Variants in KLRG1 observed in about 807,000 individuals in gnomAD.
KLRG1 encodes the protein killer cell lectin like receptor G1, also known as killer cell lectin-like receptor subfamily G member 1.
KLRG1 carries 16 observed loss-of-function variants against 21.8 expected under a neutral mutation model. That is an observed-to-expected ratio of 0.73 (90% CI 0.50 to 1.11). The LOEUF is 1.11. Among genes scored for constraint, KLRG1 ranks in the 50% most tolerant of loss-of-function variants. The pLI is 0.00. For missense variants in KLRG1, 173 were observed against 218.3 expected, an observed-to-expected ratio of 0.79 and a Z score of 1.31; for synonymous variants, 69 against 75.9, an observed-to-expected ratio of 0.91 and a Z score of 0.47.
the KLRG1 span, chr12:9,027,683 C>T: frequency 9.5e-7 from 1 of 1,047,962 alleles, no homozygotes. Flanking sequence ...AATTTGAAAA[C>T]TGATTGTTGT....
intron 1 of KLRG1, chr12:8,991,953 T>C: frequency 3.0e-6 from 1 of 327,870 alleles, no homozygotes; most frequent in Non-Finnish European, 5.6e-6. Context: ...TATGAGACAG[T>C]GTAAGTCACA....
the KLRG1 span, among the ~76,000 whole-genome samples, chr12:9,054,638 A>G: frequency 6.6e-6 from 1 of 152,172 alleles, no homozygotes; most frequent in Non-Finnish European, 1.5e-5. Context: ...TGTTTACTAT[A>G]GTTGCTCTAT....
chr12:8,994,398 A>G (rs904737616), intron 2 of KLRG1, among the ~76,000 whole-genome samples: 1 of 152,222 alleles, frequency 6.6e-6, no homozygotes, highest in African/African-American at 2.4e-5. Context: ...ACTATGAACC[A>G]ACCATTTTAA....
At position 9,009,472 on chromosome 12, in the gene KLRG1, A is replaced by C; in HGVS notation, c.505A>C (p.Asn169His). ...FVQTCGAINK[N>H]GLQASSCEVP... The stretch of plus-strand genomic sequence containing the variant: ...GCAGACATGCGGTGCCATCAACAAA[A>C]ATGGTCTTCAAGCCTCAAGCTGTGA... The change falls in exon 5 of 5, where the codon AAT becomes CAT. Residue 169 changes from asparagine (N) to histidine (H), a missense_variant. Coordinates refer to ENST00000356986, the MANE Select transcript of KLRG1 (RefSeq NM_005810.4). 6.2e-7 allele frequency: 1 copy of C among 1,613,976 alleles called. No individual in the cohort carries two copies. Among genetic ancestry groups the C allele is most frequent in the Non-Finnish European group, 8.5e-7 (1 of 1,179,930 alleles).
chr12:9,093,552 G>T, the KLRG1 span: 1 of 1,609,092 alleles, frequency 6.2e-7, no homozygotes. Context: ...CACCAGGCGT[G>T]CATGGCCTCT....
chr12:9,115,656 T>C, the KLRG1 span: 1 of 800,830 alleles, frequency 1.2e-6, no homozygotes, highest in Non-Finnish European at 2.1e-6. Flanking sequence ...ATCTTAGAGA[T>C]AAGAAGATGA....
chr12:9,063,047 A>G, the KLRG1 span, among the ~76,000 whole-genome samples: 1 of 152,108 alleles, frequency 6.6e-6, no homozygotes, highest in Non-Finnish European at 1.5e-5. Flanking sequence ...AATACTAAAT[A>G]AGACCTTTTT....
At chr12:9,204,250 A>C in the KLRG1 span, among the ~76,000 whole-genome samples, 1 of 152,132 alleles carries the variant, frequency 6.6e-6, no homozygotes, top group South Asian at 2.1e-4. Context: ...TTAAACTTTA[A>C]CTTTGACCTT....
the KLRG1 span, chr12:9,070,569 C>A: frequency 1.2e-6 from 2 of 1,612,814 alleles, no homozygotes; most frequent in South Asian, 1.1e-5. Context: ...CAGAGCGGCT[C>A]CCTGTGTAAC....
the KLRG1 span, chr12:9,112,673 A>T: frequency 1.3e-3 from 1,168 of 869,888 alleles, 8 homozygotes; most frequent in African/African-American, 0.018. Flanking sequence ...GAAAGTTGGC[A>T]TGGACAGGAA....
At chr12:9,126,964 T>C in the KLRG1 span, among the ~76,000 whole-genome samples, 1 of 152,200 alleles carries the variant, frequency 6.6e-6, no homozygotes, top group African/African-American at 2.4e-5. Context: ...ATATGGTAAA[T>C]ATACCTTGTC....
the KLRG1 span, among the ~76,000 whole-genome samples, chr12:9,120,741 G>C: frequency 1.2e-4 from 19 of 152,242 alleles, no homozygotes; most frequent in African/African-American, 4.6e-4. Flanking sequence ...TACTGGCTTT[G>C]TCTTTGACGA....
chr12:9,126,627 G>A, the KLRG1 span, among the ~76,000 whole-genome samples: 2 of 152,160 alleles, frequency 1.3e-5, no homozygotes, highest in African/African-American at 2.4e-5. Context: ...GACTAACAGA[G>A]GTGATGTGTA....
At chr12:9,208,314 A>T in the KLRG1 span, 11 of 1,613,674 alleles carry the variant, frequency 6.8e-6, no homozygotes, top group Non-Finnish European at 9.3e-6. Flanking sequence ...AGCACAAGAC[A>T]TAAATGAAGA....
At chr12:9,112,229 T>C in the KLRG1 span, 2 of 1,613,806 alleles carry the variant, frequency 1.2e-6, no homozygotes, top group Non-Finnish European at 1.7e-6. Context: ...AGAAATATTT[T>C]TCATGAGCCC....
the KLRG1 span, chr12:9,036,992 TA>T: frequency 5.1e-6 from 1 of 197,896 alleles, no homozygotes. Context: ...GATACTTCAG[TA>T]AACCTTGCTC....
At chr12:9,140,913 C>T in the KLRG1 span, among the ~76,000 whole-genome samples, 1 of 152,112 alleles carries the variant, frequency 6.6e-6, no homozygotes, top group South Asian at 2.1e-4. Flanking sequence ...GGTAAAATAA[C>T]CAGTTTTTCA....
intron 3 of KLRG1, among the ~76,000 whole-genome samples, chr12:8,996,200 C>A (rs770310733): frequency 1.3e-5 from 2 of 152,076 alleles, no homozygotes; most frequent in African/African-American, 2.4e-5. Context: ...TCCTTCAGGC[C>A]CCTCAGATCC....
the KLRG1 span, chr12:9,168,486 C>T: frequency 1.2e-5 from 2 of 172,566 alleles, no homozygotes; most frequent in Admixed American, 1.2e-4. Context: ...CTGTGATGTT[C>T]ACGTTGTTTC....
Sources: gnomAD v4.1 joint callset for allele counts (sites outside exome capture counted in the v4.1 genomes callset) on GRCh38, gnomAD v4.1.1 for gene constraint, MANE v1.5 for transcripts, NCBI Gene and HGNC (gene_info 2026-07-23, HGNC 2026-07-21) for gene names.